Variants in SMARCB1 observed in about 807,000 individuals in gnomAD.
SMARCB1 encodes SWI/SNF related BAF chromatin remodeling complex subunit B1.
Under a neutral mutation model 49.0 loss-of-function variants are expected in SMARCB1, and 5 were observed. That is an observed-to-expected ratio of 0.10 (90% CI 0.05 to 0.21). The LOEUF (loss-of-function observed/expected upper bound fraction) is 0.21. SMARCB1 is among the 10% of genes least tolerant of loss of function. SMARCB1 has a pLI of 1.00. For synonymous variants in SMARCB1, 201 were observed against 200.1 expected (o/e 1.00, Z -0.04); for missense variants, 226 against 509.2 (o/e 0.44, Z 5.35).
At chr22:23,813,175 A>G (rs1217162665) in intron 5 of SMARCB1, among the ~76,000 whole-genome samples, 1 of 152,210 alleles carries the variant, frequency 6.6e-6, no homozygotes, top group East Asian at 1.9e-4. Context: ...TTCTGTTGCT[A>G]GCATTTAATA....
Position 23,836,867 on chromosome 22 carries a change from G to T in SMARCB1, c.*2687G>T. On this transcript the variant is annotated 3_prime_UTR_variant, in exon 9 of 9. Coordinates refer to ENST00000644036, the MANE Select transcript of SMARCB1 (RefSeq NM_003073.5). ...CCTCTTAGGCCTGGCCCTGGGTGGG[G>T]GTCACTGCTGCGGGGGTGGCAGATG... 6.8e-7 allele frequency: 1 copy of T among 1,461,662 alleles called. No homozygotes were observed. The highest frequency in any genetic ancestry group is 9.0e-7 in the Non-Finnish European group (1 of 1,105,348). 90.5% of individuals were successfully genotyped at this position (1,461,662 alleles called of 1,614,324 possible).
chr22:23,835,866 A>ACTCCTGACCGCCAG lies in SMARCB1; in HGVS notation c.*1690_*1703dup. The ACTCCTGACCGCCAG allele has an allele frequency of 1.0e-6, 1 of 963,252 alleles. No individual in the cohort carries two copies. Among genetic ancestry groups the ACTCCTGACCGCCAG allele is most frequent in the Non-Finnish European group, 1.2e-6 (1 of 812,088 alleles). 59.7% of individuals were successfully genotyped at this position (963,252 alleles called of 1,614,324 possible). ...GAGGTGCCGGGAAGGCTGGGCCCTC[A>ACTCCTGACCGCCAG]CTCCTGACCGCCAGCTCACACCGCC... On this transcript the variant is annotated 3_prime_UTR_variant, in exon 9 of 9. Transcript: ENST00000644036.
In SMARCB1 at chr22:23,835,799, T is replaced by C. The variant is rs528849001; in HGVS notation, c.*1619T>C. 2,322 of 985,480 alleles carry C rather than the reference T, an allele frequency of 2.4e-3. 4 individuals carry two copies. Among genetic ancestry groups the C allele is most frequent in the South Asian group, 3.9e-3 (83 of 21,294 alleles). 61.0% of individuals were successfully genotyped at this position (985,480 alleles called of 1,614,324 possible). A position where few individuals can be genotyped will look rare whatever the true frequency, so the allele number is the denominator to read the frequency against. ...ACAACTGGGGGGATGGAAGGAACCT[T>C]GGCTGCCTCACCCCACAGGTCGGGC... On this transcript the variant is annotated 3_prime_UTR_variant, in exon 9 of 9. Transcript: ENST00000644036.
Position 23,787,036 on chromosome 22 carries a change from G to T in SMARCB1, c.-134G>T. ...GCGGCGGCGGCTGAGGAGCCCGGCT[G>T]AGGCGCCAGTACCCGGCCCGGTCCG... On this transcript the variant is annotated 5_prime_UTR_variant, in exon 1 of 9. Coordinates refer to ENST00000644036, the MANE Select transcript of SMARCB1 (RefSeq NM_003073.5). 1.7e-6 allele frequency: 1 copy of T among 578,700 alleles called. No homozygotes were observed. The allele number at this position is 578,700 out of a possible 1,614,324, so 35.8% of individuals were successfully genotyped here. A position where few individuals can be genotyped will look rare whatever the true frequency, so the allele number is the denominator to read the frequency against.
intron 3 of SMARCB1, 93 bp downstream of exon 3, chr22:23,793,781 CTTT>C (rs11413092): frequency 6.8e-4 from 524 of 774,992 alleles, no homozygotes; most frequent in Middle Eastern, 1.7e-3. Context: ...AATTGAAACA[CTTT>C]TTTTTTTTTT....
rs1251640704 is a variant in SMARCB1, at chr22:23,837,612, A to C, written c.*3432A>C. On this transcript the variant is annotated 3_prime_UTR_variant, in exon 9 of 9. Transcript: ENST00000644036. Reference sequence around the variant, plus strand: ...CCCAGGGCATAAGCAGCGTGTCCTGAGGGGAGTGGCCAGCCTGGGGCGGAC... The same window carrying C: ...CCCAGGGCATAAGCAGCGTGTCCTGCGGGGAGTGGCCAGCCTGGGGCGGAC... 1 of 1,583,102 alleles carries C rather than the reference A, an allele frequency of 6.3e-7. No individual in the cohort carries two copies. Among genetic ancestry groups the C allele is most frequent in the Admixed American group, 1.7e-5 (1 of 58,508 alleles).
intron 4 of SMARCB1, chr22:23,801,804 CA>C (rs2145980268): frequency 4.9e-6 from 1 of 204,106 alleles, no homozygotes; most frequent in African/African-American, 2.3e-5. Flanking sequence ...TATGAGCTGA[CA>C]GTCACAGGTT....
intron 5 of SMARCB1, chr22:23,815,911 T>G (rs1242807918): frequency 1.3e-5 from 2 of 152,390 alleles, no homozygotes; most frequent in East Asian, 1.9e-4. Context: ...GGCAGTGTAT[T>G]CACTGGGTGT....
At chr22:23,832,541 C>T (rs1440326559) in intron 7 of SMARCB1, among the ~76,000 whole-genome samples, 1 of 152,126 alleles carries the variant, frequency 6.6e-6, no homozygotes, top group African/African-American at 2.4e-5. Flanking sequence ...GAAAGGACCA[C>T]AGAGAGGGGA....
At chr22:23,807,612 T>C (rs1601410144) in intron 5 of SMARCB1, among the ~76,000 whole-genome samples, 1 of 147,188 alleles carries the variant, frequency 6.8e-6, no homozygotes, top group South Asian at 2.2e-4. Context: ...AAAAATCAAA[T>C]GATAGATTCA....
At chr22:23,814,369 C>T (rs923331792) in intron 5 of SMARCB1, among the ~76,000 whole-genome samples, 15 of 152,150 alleles carry the variant, frequency 9.9e-5, no homozygotes, top group Admixed American at 9.8e-4. Context: ...AGCAATTAGA[C>T]AATCATAGGC....
rs1324275595 is a variant in SMARCB1 at position 23,797,242 on chromosome 22, C to T, written c.362+3554C>T. Among the ~76,000 whole-genome samples, 5 of 150,344 alleles carry T rather than the reference C, an allele frequency of 3.3e-5. No individual in the cohort carries two copies. In the South Asian group the frequency reaches 8.5e-4, roughly 26 times the overall value. ...CTTGATCTCCTGACCTCGTGATCCG[C>T]CCGCCTCGGCCTCCCAAAGTGCTGG... is the stretch of plus-strand genomic sequence containing the variant. On this transcript the variant is annotated intron_variant, in intron 3 of 8. Coordinates refer to ENST00000644036, the MANE Select transcript of SMARCB1 (RefSeq NM_003073.5).
intron 5 of SMARCB1, among the ~76,000 whole-genome samples, chr22:23,811,479 G>A (rs560105901): frequency 3.3e-5 from 5 of 152,298 alleles, no homozygotes; most frequent in South Asian, 2.1e-4. Flanking sequence ...CATATAATCC[G>A]TATAATGGAT....
intron 7 of SMARCB1, among the ~76,000 whole-genome samples, chr22:23,829,657 G>GT (rs1568960143): frequency 2.0e-5 from 3 of 152,302 alleles, no homozygotes; most frequent in East Asian, 1.9e-4. Flanking sequence ...GGTTTTGTTT[G>GT]TTTTTTTAAC....
intron 3 of SMARCB1, 48 bp downstream of exon 3, chr22:23,793,736 T>G (rs1199616731): frequency 4.4e-6 from 7 of 1,596,852 alleles, no homozygotes; most frequent in Non-Finnish European, 5.2e-6. Context: ...TGTGGGGTCT[T>G]TTCTGAGACT....
intron 5 of SMARCB1, among the ~76,000 whole-genome samples, chr22:23,808,101 G>A (rs185333096): frequency 4.0e-5 from 6 of 150,676 alleles, no homozygotes; most frequent in Admixed American, 2.6e-4. Flanking sequence ...GACTACAGGC[G>A]CCTACCACCA....
rs1316514125 is a variant in SMARCB1 at position 23,837,297 on chromosome 22, C to T, written c.*3117C>T. The T allele has an allele frequency of 1.8e-6, 2 of 1,121,096 alleles. No homozygotes were observed. Among genetic ancestry groups the T allele is most frequent in the East Asian group, 2.6e-5 (1 of 38,558 alleles). 69.4% of individuals were successfully genotyped at this position (1,121,096 alleles called of 1,614,324 possible). On this transcript the variant is annotated 3_prime_UTR_variant, in exon 9 of 9. Coordinates refer to ENST00000644036, the MANE Select transcript of SMARCB1 (RefSeq NM_003073.5). ...TGCCCCAAAGCCTTGCACAGAGTGC[C>T]AGCCCCGGGTTGGCCGTGAAGGACA...
chr22:23,835,500 ATG>A lies in SMARCB1; in HGVS notation c.*1323_*1324del. Reference sequence around the variant, plus strand: ...GGGATTGGGGTTCTTGGTCGCTGAGATGTGAGAGGAGGGCTCCTTTGAGCACA... The same window carrying A: ...GGGATTGGGGTTCTTGGTCGCTGAGATGAGAGGAGGGCTCCTTTGAGCACA... On this transcript the variant is annotated 3_prime_UTR_variant, in exon 9 of 9. Coordinates refer to ENST00000644036, the MANE Select transcript of SMARCB1 (RefSeq NM_003073.5). The A allele has an allele frequency of 1.0e-6, 1 of 985,634 alleles. No homozygotes were observed. Among genetic ancestry groups the A allele is most frequent in the Non-Finnish European group, 1.2e-6 (1 of 830,070 alleles). 61.1% of individuals were successfully genotyped at this position (985,634 alleles called of 1,614,324 possible).
rs1034472792 is a variant in SMARCB1, at chr22:23,835,432, G to T, written c.*1252G>T. 6 of 986,452 alleles carry T rather than the reference G, an allele frequency of 6.1e-6. No individual in the cohort carries two copies. The highest frequency in any genetic ancestry group is 6.0e-6 in the Non-Finnish European group (5 of 830,754). The allele number at this position is 986,452 out of a possible 1,614,324, so 61.1% of individuals were successfully genotyped here. On this transcript the variant is annotated 3_prime_UTR_variant, in exon 9 of 9. Coordinates refer to ENST00000644036, the MANE Select transcript of SMARCB1 (RefSeq NM_003073.5). Reference sequence around the variant, plus strand: ...TCAGAGGCTGCTGTGCTCCCTGGAAGTGGGGTAGGGCCCCATGTGGGGCAG... The same window carrying T: ...TCAGAGGCTGCTGTGCTCCCTGGAATTGGGGTAGGGCCCCATGTGGGGCAG...
Sources: gnomAD v4.1 joint callset for allele counts (sites outside exome capture counted in the v4.1 genomes callset) on GRCh38, gnomAD v4.1.1 for gene constraint, MANE v1.5 for transcripts, NCBI Gene and HGNC (gene_info 2026-07-23, HGNC 2026-07-21) for gene names.